The following KMT2C variants were observed in gnomAD, a reference collection of about 807,000 sequenced individuals.
KMT2C encodes lysine methyltransferase 2C.
A neutral mutation model predicts 507.9 loss-of-function variants in KMT2C; 88 were observed. That is an observed-to-expected ratio of 0.17 (90% confidence interval 0.15 to 0.21). The LOEUF is 0.21. KMT2C is among the 10% of genes least tolerant of loss of function. The pLI is 1.00. For missense variants in KMT2C, 4,954 were observed against 5,957.8 expected, an observed-to-expected ratio of 0.83 and a Z score of 5.55; for synonymous variants, 2,049 against 2,080.8, an observed-to-expected ratio of 0.98 and a Z score of 0.42.
intron 25 of KMT2C, among the ~76,000 whole-genome samples, chr7:152,203,736 G>A (rs1045356584): frequency 2.6e-5 from 4 of 152,118 alleles, no homozygotes; most frequent in African/African-American, 7.2e-5. Flanking sequence ...CATCCCTTCT[G>A]AAAATCAATA....
intron 5 of KMT2C, among the ~76,000 whole-genome samples, chr7:152,311,324 A>G (rs770348301): frequency 1.4e-4 from 21 of 152,294 alleles, no homozygotes; most frequent in Middle Eastern, 3.4e-3. Context: ...ACTATCAGTC[A>G]ATCTGCAGTT....
chr7:152,228,178 T>C (rs1158398273), intron 18 of KMT2C, among the ~76,000 whole-genome samples: 1 of 152,226 alleles, frequency 6.6e-6, no homozygotes, highest in Non-Finnish European at 1.5e-5. Context: ...TATAAAATGT[T>C]CCTAGTTTTA....
At chr7:152,308,291 C>G (rs553503760) in intron 6 of KMT2C, among the ~76,000 whole-genome samples, 19 of 152,254 alleles carry the variant, frequency 1.2e-4, no homozygotes, top group African/African-American at 4.6e-4. Flanking sequence ...TATGTTCTAT[C>G]TATTAAAGCC....
chr7:152,413,904 A>C (rs2097707061), intron 1 of KMT2C, among the ~76,000 whole-genome samples: 1 of 150,874 alleles, frequency 6.6e-6, no homozygotes. Flanking sequence ...AAAAAAATTT[A>C]CAAAAGTCAT....
At chr7:152,225,662 A>C (rs1470738379) in intron 18 of KMT2C, among the ~76,000 whole-genome samples, 1 of 152,166 alleles carries the variant, frequency 6.6e-6, no homozygotes, top group Non-Finnish European at 1.5e-5. Context: ...GGGATCTATA[A>C]ATCAACAGAT....
intron 30 of KMT2C, 48 bp downstream of exon 30, chr7:152,194,181 G>A (rs2093895170): frequency 1.3e-6 from 2 of 1,563,960 alleles, no homozygotes; most frequent in Non-Finnish European, 1.7e-6. Flanking sequence ...TAGGGTCCTG[G>A]TATGGGGAAC....
At chr7:152,413,618 C>T (rs1037423813) in intron 1 of KMT2C, among the ~76,000 whole-genome samples, 12 of 152,084 alleles carry the variant, frequency 7.9e-5, no homozygotes, top group African/African-American at 2.9e-4. Flanking sequence ...GGCATGGTGG[C>T]TCACGCCTGT....
chr7:152,315,393 C>CT, intron 3 of KMT2C, 55 bp from the exon 4 acceptor site: 1 of 1,248,538 alleles, frequency 8.0e-7, no homozygotes, highest in Middle Eastern at 1.9e-4. Context: ...TATTCAACTG[C>CT]TTTAAGCGAT....
At chr7:152,278,280 AATTTAT>A (rs890192594) in intron 6 of KMT2C, among the ~76,000 whole-genome samples, 5 of 150,312 alleles carry the variant, frequency 3.3e-5, no homozygotes, top group Admixed American at 1.3e-4. Flanking sequence ...TTTTTTTTTT[AATTTAT>A]ATTTATTTTT....
intron 2 of KMT2C, among the ~76,000 whole-genome samples, chr7:152,342,131 A>G (rs10279901): frequency 0.11 from 16,568 of 152,134 alleles, 2,172 homozygotes; most frequent in African/African-American, 0.31. Context: ...ACATCTGAAA[A>G]CCACCACTAA....
chr7:152,216,641 C>A (rs1019113323), intron 23 of KMT2C, among the ~76,000 whole-genome samples: 7 of 152,188 alleles, frequency 4.6e-5, no homozygotes, highest in African/African-American at 1.4e-4. Flanking sequence ...TATACTCTTT[C>A]ATTATAATTT....
At chr7:152,434,760 G>C (rs1226069496) in intron 1 of KMT2C, among the ~76,000 whole-genome samples, 1 of 152,142 alleles carries the variant, frequency 6.6e-6, no homozygotes, top group Non-Finnish European at 1.5e-5. Flanking sequence ...AGACATTTCT[G>C]GTCCTCTAAT....
In KMT2C at chr7:152,358,680, A is replaced by AC; in HGVS notation, c.162-6_162-5insG. On this transcript the variant is annotated splice_region_variant and splice_polypyrimidine_tract_variant and intron_variant, in intron 1 of 58. Transcript: ENST00000262189. The stretch of plus-strand genomic sequence containing the variant: ...GTTTTCCCCCTACTTCGAGGTCTAC[A>AC]GAAAAAAAAAAAAATAATAAGTACA... 1.9e-6 allele frequency: 3 copies of AC among 1,555,458 alleles called. No homozygotes were observed. Among genetic ancestry groups the AC allele is most frequent in the Non-Finnish European group, 2.6e-6 (3 of 1,135,618 alleles).
intron 7 of KMT2C, among the ~76,000 whole-genome samples, chr7:152,270,717 G>A (rs376925816): frequency 2.6e-5 from 4 of 152,086 alleles, no homozygotes; most frequent in African/African-American, 4.8e-5. Flanking sequence ...ATATCTGGTT[G>A]TATCTACTAG....
In KMT2C at chr7:152,148,935, A is replaced by G; in HGVS notation, c.12992T>C (p.Leu4331Pro). ...KPDELKVTVKLKPRLRAVHGG... is the reference protein window; with the variant it reads ...KPDELKVTVKPKPRLRAVHGG... Reference sequence around the variant, plus strand: ...ATGGACAGCTCTTAGCCGAGGCTTCAGCTTGACTGTCACCTTCAGCTCATC... The same window carrying G: ...ATGGACAGCTCTTAGCCGAGGCTTCGGCTTGACTGTCACCTTCAGCTCATC... The change falls in exon 52 of 59, where the codon CTG (leucine) becomes CCG (proline). Residue 4331 changes from leucine to proline, a missense_variant. Coordinates refer to ENST00000262189, the MANE Select transcript of KMT2C (RefSeq NM_170606.3). The surrounding 1 kb of genome is among the most constrained non-coding windows in gnomAD (Gnocchi z 7.1). 1 of 1,611,584 alleles carries G rather than the reference A, an allele frequency of 6.2e-7. No individual in the cohort carries two copies. The highest frequency in any genetic ancestry group is 1.3e-5 in the African/African-American group (1 of 74,984).
In KMT2C at chr7:152,248,446, T is replaced by C. The variant is rs1171017635; in HGVS notation, c.1988A>G (p.Gln663Arg). 1.9e-6 allele frequency: 3 copies of C among 1,614,184 alleles called. No individual in the cohort carries two copies. The highest frequency in any genetic ancestry group is 2.5e-6 in the Non-Finnish European group (3 of 1,180,022). Residue 663 changes from glutamine (Q) to arginine (R), a missense_variant, in exon 14 of 59, where the codon CAG becomes CGG. Physicochemically the swap from Gln to Arg is conservative, Grantham distance 43. Coordinates refer to ENST00000262189, the MANE Select transcript of KMT2C (RefSeq NM_170606.3). Reference protein sequence around the residue: ...IEVVTHQITVQQEQLQLLEEP... With the variant: ...IEVVTHQITVRQEQLQLLEEP... ...CTCTAACAACTGCAGTTGTTCTTGC[T>C]GCACAGTGATCTGGTGTGTAACGAC...
At chr7:152,312,475 C>T (rs934097971) in intron 4 of KMT2C, among the ~76,000 whole-genome samples, 3 of 152,156 alleles carry the variant, frequency 2.0e-5, no homozygotes, top group Admixed American at 6.5e-5. Flanking sequence ...TGGAATGTAT[C>T]AGCTGTAGCT....
At chr7:152,341,927 A>G (rs748802365) in intron 2 of KMT2C, among the ~76,000 whole-genome samples, 10 of 152,122 alleles carry the variant, frequency 6.6e-5, no homozygotes, top group Non-Finnish European at 1.3e-4. Context: ...TAATATCACT[A>G]AAGTTTCTAT....
intron 23 of KMT2C, among the ~76,000 whole-genome samples, chr7:152,208,990 T>C (rs541221818): frequency 7.8e-4 from 116 of 149,110 alleles, no homozygotes; most frequent in African/African-American, 2.8e-3. Flanking sequence ...ACATGGTGAG[T>C]CTCTACTAAA....
Sources: allele counts gnomAD v4.1 joint callset (sites outside exome capture counted in the v4.1 genomes callset), GRCh38; gene constraint gnomAD v4.1.1; non-coding constraint Gnocchi (gnomAD v3.1); transcripts MANE v1.5; gene names NCBI Gene and HGNC (gene_info 2026-07-23, HGNC 2026-07-21).